The following TMEM45A variants were observed in gnomAD, a reference collection of about 807,000 sequenced individuals.
The protein encoded by TMEM45A is transmembrane protein 45A.
A neutral mutation model predicts 32.0 loss-of-function variants in TMEM45A; 25 were observed. The observed-to-expected ratio is 0.78, with a 90% CI of 0.57 to 1.09. TMEM45A has a LOEUF of 1.09. TMEM45A is among the 50% of genes least tolerant of loss of function. The pLI is 0.00. For missense variants in TMEM45A, 302 were observed against 325.0 expected (o/e 0.93, Z 0.54); for synonymous variants, 122 against 114.8 (o/e 1.06, Z -0.40).
chr3:100,568,425 GA>G (rs1706488114), intron 4 of TMEM45A, among the ~76,000 whole-genome samples: 1 of 152,168 alleles, frequency 6.6e-6, no homozygotes, highest in African/African-American at 2.4e-5. Flanking sequence ...ATATTAGGGG[GA>G]AAGATTTCAG....
chr3:100,501,920 TA>T (rs1708012891), intron 1 of TMEM45A, among the ~76,000 whole-genome samples: 3 of 152,206 alleles, frequency 2.0e-5, no homozygotes, highest in South Asian at 2.1e-4. Flanking sequence ...TACATTTCAG[TA>T]AAAAAATATT....
chr3:100,513,800 G>A (rs1708210207), intron 1 of TMEM45A, among the ~76,000 whole-genome samples: 2 of 152,222 alleles, frequency 1.3e-5, no homozygotes, highest in South Asian at 4.1e-4. Context: ...AAATCAATGT[G>A]CAAAAATCAC....
At chr3:100,506,800 AAT>A (rs1272899423) in intron 1 of TMEM45A, among the ~76,000 whole-genome samples, 60 of 152,162 alleles carry the variant, frequency 3.9e-4, no homozygotes, top group Non-Finnish European at 1.5e-5. Flanking sequence ...TTCTGAGGTC[AAT>A]GTATGACTCA....
At chr3:100,552,307 G>A (rs1163776072) in intron 1 of TMEM45A, among the ~76,000 whole-genome samples, 1 of 152,134 alleles carries the variant, frequency 6.6e-6, no homozygotes, top group African/African-American at 2.4e-5. Flanking sequence ...AATGGTCATA[G>A]AGGCTATTGA....
At chr3:100,542,546 C>T (rs1015384555) in intron 1 of TMEM45A, among the ~76,000 whole-genome samples, 4 of 152,110 alleles carry the variant, frequency 2.6e-5, no homozygotes, top group South Asian at 2.1e-4. Context: ...CAAATTTTCA[C>T]GAACTATTCA....
chr3:100,533,455 C>T (rs1184154809), intron 1 of TMEM45A, among the ~76,000 whole-genome samples: 2 of 152,080 alleles, frequency 1.3e-5, no homozygotes, highest in African/African-American at 4.8e-5. Context: ...CAGCACACCA[C>T]ACCTTTTCCA....
chr3:100,523,819 CTT>C (rs1705487947), intron 1 of TMEM45A, among the ~76,000 whole-genome samples: 1 of 84,962 alleles, frequency 1.2e-5, no homozygotes, highest in Non-Finnish European at 2.0e-5. Flanking sequence ...CCTCCTCCTT[CTT>C]CTTTTTCTTT....
Position 100,555,316 on chromosome 3 carries a change from G to A in TMEM45A, c.105G>A (p.Lys35=), listed in dbSNP as rs1286774674. ...SILKYICKKQ[K]RTCYLGSKTL... is the part of the protein sequence containing the mutation. ...TGAAGTATATCTGCAAAAAGCAAAA[G>A]CGAACCTGCTATCTTGGTTCCAAAA... Residue 35 remains lysine, a synonymous_variant, in exon 2 of 6, where the codon AAG becomes AAA. Transcript: ENST00000323523. The A allele has an allele frequency of 6.2e-7, 1 of 1,613,978 alleles. No individual in the cohort carries two copies. Among genetic ancestry groups the A allele is most frequent in the Non-Finnish European group, 8.5e-7 (1 of 1,179,954 alleles).
At chr3:100,514,667 A>T (rs1027296569) in intron 1 of TMEM45A, among the ~76,000 whole-genome samples, 2 of 152,222 alleles carry the variant, frequency 1.3e-5, no homozygotes, top group South Asian at 4.1e-4. Context: ...AGCAAAACAA[A>T]CTACCATCAG....
chr3:100,556,881 G>C lies in TMEM45A; in HGVS notation c.312G>C (p.Leu104=), dbSNP rs576842776. The C allele has an allele frequency of 2.8e-5, 45 of 1,614,146 alleles. No individual in the cohort carries two copies. The highest frequency in any genetic ancestry group is 3.6e-5 in the Non-Finnish European group (42 of 1,180,018). Residue 104 remains leucine, a synonymous_variant, in exon 3 of 6, where the codon CTG becomes CTC. Coordinates refer to ENST00000323523, the MANE Select transcript of TMEM45A (RefSeq NM_018004.3). ...HHFTMYFFFG[L]LGVADILCFT... is the part of the protein sequence containing the mutation. ...TCACCATGTATTTCTTCTTTGGGCT[G>C]TTGGGTGTGGCAGATATCTTATGTT...
chr3:100,499,640 G>A (rs1255218015), intron 1 of TMEM45A, among the ~76,000 whole-genome samples: 1 of 152,200 alleles, frequency 6.6e-6, no homozygotes, highest in Non-Finnish European at 1.5e-5. Flanking sequence ...ACTTTGGGAG[G>A]CTGAGGTGGG....
intron 1 of TMEM45A, among the ~76,000 whole-genome samples, chr3:100,523,712 T>TTTCGCCTCC (rs1705483712): frequency 6.8e-6 from 1 of 146,578 alleles, no homozygotes; most frequent in African/African-American, 2.6e-5. Flanking sequence ...CTCCTCCTCC[T>TTTCGCCTCC]TTCTCCTCCT....
At chr3:100,573,226 C>T (rs1706608435) in intron 5 of TMEM45A, 1 of 151,158 alleles carries the variant, frequency 6.6e-6, no homozygotes, top group African/African-American at 2.4e-5. Flanking sequence ...ATTCTTCCTA[C>T]CCATGAGCAT....
At chr3:100,558,715 C>A in intron 4 of TMEM45A, 126 bp downstream of exon 4, 1 of 975,032 alleles carries the variant, frequency 1.0e-6, no homozygotes, top group Non-Finnish European at 1.5e-6. Context: ...TCATGGGCCT[C>A]TGAGAAGTGA....
chr3:100,536,820 A>G (rs1473687252), intron 1 of TMEM45A, among the ~76,000 whole-genome samples: 2 of 152,192 alleles, frequency 1.3e-5, no homozygotes, highest in Non-Finnish European at 2.9e-5. Context: ...TAGAGGGAAA[A>G]ACCAGAGGCC....
At chr3:100,495,156 G>A (rs1707905107) in intron 1 of TMEM45A, among the ~76,000 whole-genome samples, 2 of 152,194 alleles carry the variant, frequency 1.3e-5, no homozygotes, top group East Asian at 1.9e-4. Flanking sequence ...CATTGTATGA[G>A]GCTATAAGGA....
chr3:100,540,919 C>G (rs755588430), intron 1 of TMEM45A, among the ~76,000 whole-genome samples: 6 of 152,206 alleles, frequency 3.9e-5, no homozygotes, highest in Non-Finnish European at 7.4e-5. Context: ...TCCACAGGAA[C>G]TGAACTAATT....
chr3:100,557,081 C>A, intron 3 of TMEM45A, 109 bp downstream of exon 3: 1 of 1,173,538 alleles, frequency 8.5e-7, no homozygotes, highest in Non-Finnish European at 1.2e-6. Flanking sequence ...ATTGATAGGA[C>A]CATATATCTG....
At chr3:100,569,746 G>A (rs972686715) in intron 5 of TMEM45A, among the ~76,000 whole-genome samples, 2 of 151,526 alleles carry the variant, frequency 1.3e-5, no homozygotes, top group African/African-American at 2.4e-5. Context: ...TTCCTCTTTG[G>A]CATAAAAAAA....
Sources: gnomAD v4.1 joint callset for allele counts (sites outside exome capture counted in the v4.1 genomes callset) on GRCh38, gnomAD v4.1.1 for gene constraint, MANE v1.5 for transcripts, NCBI Gene and HGNC (gene_info 2026-07-23, HGNC 2026-07-21) for gene names.